NID2: variants seen among roughly 807,000 people sequenced by gnomAD.
NID2 encodes nidogen 2.
A neutral mutation model predicts 145.4 loss-of-function variants in NID2; 83 were observed. The observed-to-expected ratio is 0.57, with a 90% CI of 0.48 to 0.69. The LOEUF (loss-of-function observed/expected upper bound fraction) is 0.69, where lower values mean the gene tolerates loss of function less well. Among genes scored for constraint, NID2 ranks in the 30% least tolerant of loss-of-function variants. The pLI is 0.00. For synonymous variants in NID2, 739 were observed against 701.3 expected (o/e 1.05, Z -0.85); for missense variants, 1,807 against 1,765.7 (o/e 1.02, Z -0.42).
Position 52,027,255 on chromosome 14 carries a change from T to C in NID2, c.2620A>G (p.Thr874Ala), listed in dbSNP as rs374546944. The change falls in exon 12 of 22, where the codon ACG becomes GCG. Residue 874 changes from threonine (T) to alanine (A), a missense_variant. Coordinates refer to ENST00000216286, the MANE Select transcript of NID2 (RefSeq NM_007361.4). ...CCAGGCAGGCAGGCACAGCTGAACGTGCTGCCTCCATGGTGAACACACCGG... is the reference window on the plus strand; with the variant it reads ...CCAGGCAGGCAGGCACAGCTGAACGCGCTGCCTCCATGGTGAACACACCGG... ...QARCVHHGGS[T>A]FSCACLPGYA... 18 of 1,592,182 alleles carry C rather than the reference T, an allele frequency of 1.1e-5. No individual in the cohort carries two copies. The highest frequency in any genetic ancestry group is 1.8e-5 in the Admixed American group (1 of 57,088).
chr14:52,005,287 T>G lies in NID2; in HGVS notation c.*199A>C, dbSNP rs1453709326. 2.4e-6 allele frequency: 1 copy of G among 421,644 alleles called. No homozygotes were observed. The highest frequency in any genetic ancestry group is 4.1e-6 in the Non-Finnish European group (1 of 243,332). The allele number at this position is 421,644 out of a possible 1,614,324, so 26.1% of individuals were successfully genotyped here. ...CTTTTTAAACTTGCAATAACAACCT[T>G]CATTTTTAAAAATACAGTAGTAAAG... On this transcript the variant is annotated 3_prime_UTR_variant, in exon 22 of 22. Coordinates refer to ENST00000216286, the MANE Select transcript of NID2 (RefSeq NM_007361.4).
rs1203538833 is a variant in NID2 at position 52,054,199 on chromosome 14, C to T, written c.890G>A (p.Gly297Glu). Reference protein sequence around the residue: ...LSAAHSSVPLGRSFSHATALE... With the variant: ...LSAAHSSVPLERSFSHATALE... ...GGCTGTAGCATGGCTGAAGGAACGT[C>T]CCAGGGGAACAGAAGAGTGGGCAGC... Residue 297 changes from glycine (G) to glutamate (E), a missense_variant, in exon 4 of 22, where the codon GGA becomes GAA. Gly to Glu is a moderately conservative substitution (Grantham distance 98). Coordinates refer to ENST00000216286, the MANE Select transcript of NID2 (RefSeq NM_007361.4). 3 of 1,614,154 alleles carry T rather than the reference C, an allele frequency of 1.9e-6. No individual in the cohort carries two copies. The Admixed American group carries it at 5.0e-5, about 27-fold the overall frequency.
chr14:52,063,915 A>C (rs899312695), intron 2 of NID2, among the ~76,000 whole-genome samples: 10 of 152,192 alleles, frequency 6.6e-5, no homozygotes, highest in Admixed American at 6.5e-4. Flanking sequence ...CACATCCCTA[A>C]TACTATATCC....
rs753738301 is a variant in NID2 at position 52,015,257 on chromosome 14, G to A, written c.3047C>T (p.Pro1016Leu). 25 of 1,611,426 alleles carry A rather than the reference G, an allele frequency of 1.6e-5. No homozygotes were observed. The highest frequency in any genetic ancestry group is 4.4e-5 in the South Asian group (4 of 91,028). Residue 1016 changes from proline (P) to leucine (L), a missense_variant, in exon 15 of 22, where the codon CCG (proline) becomes CTG (leucine). Physicochemically the swap from Pro to Leu is moderately conservative, Grantham distance 98. Transcript: ENST00000216286. ...TTCCCTCCAGCGCTCACAGATGGTC[G>A]GGGGCCTCTGGGTGGGCTCTGAGCA... Reference protein sequence around the residue: ...GPSPEPTQRPPTICERWRENL... With the variant: ...GPSPEPTQRPLTICERWRENL...
At position 52,054,204 on chromosome 14, in the gene NID2, G is replaced by A. The variant is rs1033152808; in HGVS notation, c.885C>T (p.Pro295=). 6.2e-7 allele frequency: 1 copy of A among 1,614,042 alleles called. No homozygotes were observed. Among genetic ancestry groups the A allele is most frequent in the Non-Finnish European group, 8.5e-7 (1 of 1,180,038 alleles). The change falls in exon 4 of 22, where the codon CCC becomes CCT. Residue 295 remains proline (P), a synonymous_variant. Transcript: ENST00000216286. ...TAGCATGGCTGAAGGAACGTCCCAG[G>A]GGAACAGAAGAGTGGGCAGCGGAAA... ...GDLSAAHSSV[P]LGRSFSHATA...
intron 12 of NID2, among the ~76,000 whole-genome samples, chr14:52,026,035 A>G (rs2140370554): frequency 6.6e-6 from 1 of 152,336 alleles, no homozygotes; most frequent in East Asian, 1.9e-4. Flanking sequence ...AAGAGTAAGA[A>G]TGAGGCTCAG....
intron 6 of NID2, 148 bp downstream of exon 6, chr14:52,042,634 C>A (rs1187296875): frequency 6.0e-5 from 52 of 871,264 alleles, no homozygotes; most frequent in Non-Finnish European, 5.3e-6. Context: ...GTTCATTCCT[C>A]ACACATTTAT....
At chr14:52,047,376 G>T (rs1211910930) in intron 5 of NID2, among the ~76,000 whole-genome samples, 1 of 152,096 alleles carries the variant, frequency 6.6e-6, no homozygotes, top group Non-Finnish European at 1.5e-5. Flanking sequence ...ATGAGGGCAG[G>T]CGTGGTGCTG....
Position 52,040,603 on chromosome 14 carries a change from G to A in NID2, c.2026+48C>T. ...TTTAAGCCTTGTATCTATCTTGTGA[G>A]ATGGGCATAATCCCCATTTTACAGA... On this transcript the variant is annotated intron_variant, in intron 8 of 21. Transcript: ENST00000216286. 3 of 1,496,696 alleles carry A rather than the reference G, an allele frequency of 2.0e-6. No homozygotes were observed. The South Asian group carries it at 3.4e-5, about 17-fold the overall frequency. The allele number at this position is 1,496,696 out of a possible 1,614,324, so 92.7% of individuals were successfully genotyped here. A position where few individuals can be genotyped will look rare whatever the true frequency, so the allele number is the denominator to read the frequency against.
intron 12 of NID2, 60 bp from the exon 13 acceptor site, chr14:52,020,238 CTG>C: frequency 6.2e-7 from 1 of 1,603,542 alleles, no homozygotes; most frequent in Non-Finnish European, 8.5e-7. Context: ...CTCACACAAT[CTG>C]TGCGACTGCA....
intron 3 of NID2, among the ~76,000 whole-genome samples, chr14:52,058,749 G>A (rs1892932163): frequency 6.6e-6 from 1 of 151,960 alleles, no homozygotes; most frequent in Non-Finnish European, 1.5e-5. Context: ...ACCCTAATAG[G>A]GTACAAGCTG....
rs779550100 is a variant in NID2, at chr14:52,010,921, G to A, written c.3677C>T (p.Thr1226Ile). ...GATGGCACGGGGATTCACCAGATCT[G>A]TGTAGAAGAGGACCTTGCGCTCAGA... ...DGSERKVLFY[T>I]DLVNPRAIAV... Residue 1226 changes from threonine (T) to isoleucine (I), a missense_variant, in exon 18 of 22, where the codon ACA (threonine) becomes ATA (isoleucine). Thr to Ile is a moderately conservative substitution (Grantham distance 89, BLOSUM62 -1). Transcript: ENST00000216286. The A allele has an allele frequency of 6.2e-7, 1 of 1,613,924 alleles. No individual in the cohort carries two copies. The highest frequency in any genetic ancestry group is 8.5e-7 in the Non-Finnish European group (1 of 1,180,038).
At position 52,014,551 on chromosome 14, in the gene NID2, A is replaced by AAT. The variant is rs1161357937; in HGVS notation, c.3251-97_3251-96dup. On this transcript the variant is annotated intron_variant, in intron 15 of 21. Coordinates refer to ENST00000216286, the MANE Select transcript of NID2 (RefSeq NM_007361.4). ...TTTACCACATACCAGAGCCTCCAAAAATATCAAAAGTTCTTCGCCCTACGC... is the reference window on the plus strand; with the variant it reads ...TTTACCACATACCAGAGCCTCCAAAAATATATCAAAAGTTCTTCGCCCTACGC... 6 of 1,296,092 alleles carry AAT rather than the reference A, an allele frequency of 4.6e-6. No individual in the cohort carries two copies. The African/African-American group carries it at 8.9e-5, about 19-fold the overall frequency. The allele number at this position is 1,296,092 out of a possible 1,614,324, so 80.3% of individuals were successfully genotyped here.
intron 19 of NID2, 145 bp downstream of exon 19, chr14:52,007,665 G>T: frequency 1.3e-6 from 1 of 748,582 alleles, no homozygotes; most frequent in Non-Finnish European, 2.2e-6. Flanking sequence ...TCATTTACTA[G>T]TACTTAAATT....
intron 9 of NID2, among the ~76,000 whole-genome samples, chr14:52,035,527 C>G (rs187940828): frequency 1.3e-5 from 2 of 152,238 alleles, no homozygotes; most frequent in South Asian, 2.1e-4. Flanking sequence ...TACTTTGAGA[C>G]GGGGTCTTGT....
rs1282863275 is a variant in NID2 at position 52,060,245 on chromosome 14, T to C, written c.646A>G (p.Asn216Asp). 3 of 1,613,718 alleles carry C rather than the reference T, an allele frequency of 1.9e-6. No individual in the cohort carries two copies. The highest frequency in any genetic ancestry group is 1.7e-6 in the Non-Finnish European group (2 of 1,179,974). The change falls in exon 3 of 22, where the codon AAT becomes GAT. Residue 216 changes from asparagine (N) to aspartate (D), a missense_variant. By Grantham distance (23) the Asn-to-Asp change is conservative (BLOSUM62 1). Transcript: ENST00000216286. ...CGAGCTGGAAGCTGAAGCTGGACAT[T>C]GTAAGACTCTTTGGGGCGGGTTCCA... ...FLGTRPKESYNVQLQLPARVG... is the reference protein window; with the variant it reads ...FLGTRPKESYDVQLQLPARVG...
rs2282345 is a variant in NID2, at chr14:52,010,759, A to C, written c.3722+117T>G. ...TAGATCCTCAGTAAATCTTTGTTAC[A>C]TGAATGCATTTGAGCTTTCACTCTC... On this transcript the variant is annotated intron_variant, in intron 18 of 21. Coordinates refer to ENST00000216286, the MANE Select transcript of NID2 (RefSeq NM_007361.4). 4,644 of 979,066 alleles carry C rather than the reference A, an allele frequency of 4.7e-3. 228 individuals carry two copies. In the East Asian group the frequency reaches 0.1, roughly 21 times the overall value. The allele number at this position is 979,066 out of a possible 1,614,324, so 60.6% of individuals were successfully genotyped here. A position where few individuals can be genotyped will look rare whatever the true frequency, so the allele number is the denominator to read the frequency against.
In NID2 at chr14:52,019,427, C is replaced by G. The variant is rs1330429039; in HGVS notation, c.2795-133G>C. 4.6e-6 allele frequency: 3 copies of G among 647,210 alleles called. No individual in the cohort carries two copies. The Admixed American group carries it at 9.0e-5, about 19-fold the overall frequency. 40.1% of individuals were successfully genotyped at this position (647,210 alleles called of 1,614,324 possible). On this transcript the variant is annotated intron_variant, in intron 13 of 21. Coordinates refer to ENST00000216286, the MANE Select transcript of NID2 (RefSeq NM_007361.4). ...GCCCGAGATTCTTATTTTATAATAC[C>G]TTGCCACTATTTACCTCATTTCTCT...
In NID2 at chr14:52,027,188, T is replaced by C; in HGVS notation, c.2674+13A>G. The C allele has an allele frequency of 2.0e-6, 3 of 1,480,456 alleles. No individual in the cohort carries two copies. The highest frequency in any genetic ancestry group is 2.7e-6 in the Non-Finnish European group (3 of 1,111,248). 91.7% of individuals were successfully genotyped at this position (1,480,456 alleles called of 1,614,324 possible). A position where few individuals can be genotyped will look rare whatever the true frequency, so the allele number is the denominator to read the frequency against. On this transcript the variant is annotated intron_variant, in intron 12 of 21. Transcript: ENST00000216286. The stretch of plus-strand genomic sequence containing the variant: ...AACTTTCCAGTCATTGAGGCTGACC[T>C]GCAGTTACTCACCAGTGCACTGGTG...
Sources: allele counts gnomAD v4.1 joint callset (sites outside exome capture counted in the v4.1 genomes callset), GRCh38; gene constraint gnomAD v4.1.1; transcripts MANE v1.5; gene names NCBI Gene and HGNC (gene_info 2026-07-23, HGNC 2026-07-21).